VWA8: variants seen among roughly 807,000 people sequenced by gnomAD.
VWA8 encodes the protein von Willebrand factor A domain containing 8.
Under a neutral mutation model 241.5 loss-of-function variants are expected in VWA8, and 221 were observed. The observed-to-expected ratio is 0.91, with a 90% CI of 0.82 to 1.02. The LOEUF is 1.02. VWA8 is among the 50% of genes least tolerant of loss of function. The pLI is 0.00. For missense variants in VWA8, 2,322 were observed against 2,328.7 expected (o/e 1.00, Z 0.06); for synonymous variants, 852 against 827.1 (o/e 1.03, Z -0.52).
chr13:41,698,331 T>C (rs2045227996), intron 29 of VWA8, among the ~76,000 whole-genome samples: 1 of 152,022 alleles, frequency 6.6e-6, no homozygotes, highest in African/African-American at 2.4e-5. Context: ...AACATTAGGC[T>C]CCTTTCTATT....
chr13:41,949,867 A>G (rs1211707280), intron 2 of VWA8, 69 bp downstream of exon 2: 22 of 976,904 alleles, frequency 2.3e-5, no homozygotes, highest in Non-Finnish European at 1.5e-6. Context: ...CTAGCTTTAA[A>G]TAACTTTGAA....
At chr13:41,654,813 A>G (rs763395633) in intron 37 of VWA8, among the ~76,000 whole-genome samples, 1 of 152,208 alleles carries the variant, frequency 6.6e-6, no homozygotes, top group Non-Finnish European at 1.5e-5. Context: ...GTTCTACAAA[A>G]TCACTGGCCT....
At chr13:41,960,017 A>G (rs1373368808) in intron 1 of VWA8, among the ~76,000 whole-genome samples, 1 of 152,200 alleles carries the variant, frequency 6.6e-6, no homozygotes, top group Non-Finnish European at 1.5e-5. Context: ...CAGCACTGAC[A>G]TTGACAAAAT....
At chr13:41,595,692 T>C (rs1302432275) in intron 40 of VWA8, among the ~76,000 whole-genome samples, 1 of 152,180 alleles carries the variant, frequency 6.6e-6, no homozygotes, top group African/African-American at 2.4e-5. Flanking sequence ...GGCAGAACTT[T>C]ATTCTCTTTT....
At chr13:41,716,730 T>A (rs1285429961) in intron 26 of VWA8, among the ~76,000 whole-genome samples, 1 of 152,084 alleles carries the variant, frequency 6.6e-6, no homozygotes, top group East Asian at 1.9e-4. Context: ...GAAAATTAAG[T>A]TGTAGCAAGA....
chr13:41,926,954 T>G (rs931355719), intron 2 of VWA8: 1 of 527,770 alleles, frequency 1.9e-6, no homozygotes, highest in South Asian at 1.5e-5. Flanking sequence ...TTTGCATCAA[T>G]CCTACATTAA....
intron 16 of VWA8, among the ~76,000 whole-genome samples, chr13:41,815,768 TAG>T (rs1436738649): frequency 6.6e-6 from 1 of 152,234 alleles, no homozygotes; most frequent in Non-Finnish European, 1.5e-5. Context: ...AGGAAATTAC[TAG>T]AGAGTCATAT....
chr13:41,884,524 ACACACACTGAAGTAT>A lies in VWA8; in HGVS notation c.976-1048_976-1034del, dbSNP rs749395146. ...CATAGCAGCGGGAGAACGAACTGAT[ACACACACTGAAGTAT>A]TTAAGAGTACTGACTGCAATTTACT... On this transcript the variant is annotated intron_variant, in intron 8 of 44. Coordinates refer to ENST00000379310, the MANE Select transcript of VWA8 (RefSeq NM_015058.2). Among the ~76,000 whole-genome samples, 434 of 149,436 alleles carry A rather than the reference ACACACACTGAAGTAT, an allele frequency of 2.9e-3. 11 individuals carry two copies. The highest frequency in any genetic ancestry group is 7.8e-4 in the Non-Finnish European group (53 of 67,990).
chr13:41,619,057 C>T (rs2044640103), intron 37 of VWA8, among the ~76,000 whole-genome samples: 1 of 152,128 alleles, frequency 6.6e-6, no homozygotes, highest in African/African-American at 2.4e-5. Flanking sequence ...CTGTAAATTG[C>T]CTTGGGCAGT....
At chr13:41,587,755 G>T in intron 41 of VWA8, 85 bp from the exon 42 acceptor site, 1 of 1,539,184 alleles carries the variant, frequency 6.5e-7, no homozygotes. Flanking sequence ...AGAAGCTCCA[G>T]CGTGCCAGCC....
intron 17 of VWA8, among the ~76,000 whole-genome samples, chr13:41,805,687 G>A (rs879795763): frequency 3.3e-5 from 5 of 152,010 alleles, no homozygotes; most frequent in Non-Finnish European, 7.4e-5. Flanking sequence ...GGTGGTGCAC[G>A]CCTGTAATCC....
In VWA8 at chr13:41,761,119, T is replaced by C. The variant is rs1683421972; in HGVS notation, c.2426+9A>G. 3 of 1,609,044 alleles carry C rather than the reference T, an allele frequency of 1.9e-6. No homozygotes were observed. The highest frequency in any genetic ancestry group is 8.5e-7 in the Non-Finnish European group (1 of 1,177,324). On this transcript the variant is annotated intron_variant, in intron 21 of 44. Transcript: ENST00000379310. ...GATTTTTAAGAGGTTGTGGGTCTAA[T>C]AGTCTTACCTGTGTAGCTGAATATA...
At chr13:41,721,316 A>G in intron 25 of VWA8, 54 bp downstream of exon 25, 1 of 1,587,230 alleles carries the variant, frequency 6.3e-7, no homozygotes, top group Non-Finnish European at 8.6e-7. Flanking sequence ...GTACAGTCTG[A>G]AAAAATAAAA....
intron 2 of VWA8, among the ~76,000 whole-genome samples, chr13:41,942,743 G>A (rs1877660057): frequency 6.6e-6 from 1 of 152,146 alleles, no homozygotes; most frequent in South Asian, 2.1e-4. Context: ...CCCACTAAAA[G>A]GCCAGTGGTA....
chr13:41,736,725 A>T (rs1409209024), intron 21 of VWA8, among the ~76,000 whole-genome samples: 1 of 152,190 alleles, frequency 6.6e-6, no homozygotes, highest in Non-Finnish European at 1.5e-5. Context: ...TAGTTCATTA[A>T]AACAGAAATG....
At chr13:41,713,801 T>C (rs904847550) in intron 26 of VWA8, among the ~76,000 whole-genome samples, 1 of 152,152 alleles carries the variant, frequency 6.6e-6, no homozygotes, top group Non-Finnish European at 1.5e-5. Flanking sequence ...AAAATAAGTT[T>C]ACAATTTCAA....
At chr13:41,764,625 G>T (rs1349903522) in intron 20 of VWA8, among the ~76,000 whole-genome samples, 1 of 152,166 alleles carries the variant, frequency 6.6e-6, no homozygotes, top group African/African-American at 2.4e-5. Flanking sequence ...TATAGGGAAA[G>T]ATGAGAAAGG....
intron 42 of VWA8, among the ~76,000 whole-genome samples, chr13:41,581,176 A>AT (rs1311482957): frequency 1.7e-5 from 2 of 120,680 alleles, no homozygotes; most frequent in Admixed American, 1.6e-4. Flanking sequence ...AATTTTTTGT[A>AT]TTTTTTTAGT....
rs1411671175 is a variant in VWA8, at chr13:41,690,260, A to C, written c.3882T>G (p.Thr1294=). Residue 1294 remains threonine (T), a synonymous_variant, in exon 33 of 45, where the codon ACT becomes ACG. Transcript: ENST00000379310. ...CCTCAGATTCGATGTGTGCAGGCTT[A>C]GTTAAAAGATATTTCCTGCAAACAA... ...ESKTNQKYLL[T]KPAHIESEGS... 1 of 1,606,974 alleles carries C rather than the reference A, an allele frequency of 6.2e-7. No homozygotes were observed. The highest frequency in any genetic ancestry group is 8.5e-7 in the Non-Finnish European group (1 of 1,177,078).
Sources: allele counts gnomAD v4.1 joint callset (sites outside exome capture counted in the v4.1 genomes callset), GRCh38; gene constraint gnomAD v4.1.1; transcripts MANE v1.5; gene names NCBI Gene and HGNC (gene_info 2026-07-23, HGNC 2026-07-21).